The following PDXDC1 variants were observed in gnomAD, a reference collection of about 807,000 sequenced individuals.
The protein encoded by PDXDC1 is pyridoxal dependent decarboxylase domain containing 1.
A neutral mutation model predicts 100.1 loss-of-function variants in PDXDC1; 42 were observed. That is an observed-to-expected ratio of 0.42 (90% CI 0.33 to 0.54). The LOEUF (loss-of-function observed/expected upper bound fraction) is 0.54, where lower values mean the gene tolerates loss of function less well. PDXDC1 is among the 20% of genes least tolerant of loss of function. The pLI is 0.10. For synonymous variants in PDXDC1, 260 were observed against 371.7 expected (o/e 0.70, Z 3.46); for missense variants, 636 against 979.2 (o/e 0.65, Z 4.68).
intron 16 of PDXDC1, among the ~76,000 whole-genome samples, chr16:15,075,779 C>T (rs947006592): frequency 7.9e-5 from 12 of 152,124 alleles, no homozygotes; most frequent in Non-Finnish European, 2.9e-5. Flanking sequence ...TCCTGGTGCC[C>T]ACCATGGCGG....
intron 16 of PDXDC1, chr16:15,126,763 TCTC>T (rs2047757020): frequency 6.6e-6 from 1 of 151,604 alleles, no homozygotes; most frequent in Non-Finnish European, 1.4e-5. Flanking sequence ...TTCATGCCAT[TCTC>T]CTGCCTCAGC....
At chr16:15,003,760 A>C (rs1358308326) in intron 4 of PDXDC1, among the ~76,000 whole-genome samples, 2 of 152,234 alleles carry the variant, frequency 1.3e-5, no homozygotes, top group African/African-American at 2.4e-5. Context: ...AGGCAGGTGA[A>C]TCACCTGAAG....
chr16:15,036,259 C>G lies in PDXDC1; in HGVS notation c.2351C>G (p.Pro784Arg), dbSNP rs146871979. ...GATGACCACTCACAGGTAGAAGGACCGGAGAGCTTAAGATGAGACTCATTG... is the reference window on the plus strand; with the variant it reads ...GATGACCACTCACAGGTAGAAGGACGGGAGAGCTTAAGATGAGACTCATTG... ...PEDDHSQVEG[P>R]ESLR Residue 784 changes from proline to arginine, a missense_variant, in exon 23 of 23, where the codon CCG becomes CGG. Pro to Arg is a moderately radical substitution (Grantham distance 103). Transcript: ENST00000396410. The G allele has an allele frequency of 4.3e-6, 7 of 1,613,706 alleles. No individual in the cohort carries two copies. The highest frequency in any genetic ancestry group is 2.2e-5 in the East Asian group (1 of 44,870).
intron 16 of PDXDC1, chr16:15,127,207 G>GTTCC (rs2047783181): frequency 2.4e-6 from 1 of 418,554 alleles, no homozygotes; most frequent in African/African-American, 2.0e-5. Flanking sequence ...CTTCTTCTGA[G>GTTCC]TTATCTGGCG....
At chr16:15,101,721 G>A (rs533671902) in intron 16 of PDXDC1, among the ~76,000 whole-genome samples, 2 of 148,912 alleles carry the variant, frequency 1.3e-5, no homozygotes, top group Non-Finnish European at 3.0e-5. Flanking sequence ...GCCCAGGTTA[G>A]AGTGCAGTGG....
chr16:15,091,701 A>T (rs1253969220), intron 16 of PDXDC1, among the ~76,000 whole-genome samples: 4 of 152,248 alleles, frequency 2.6e-5, no homozygotes, highest in Non-Finnish European at 4.4e-5. Flanking sequence ...GGAGGATCTA[A>T]AAAAGTATTC....
At chr16:15,092,944 GT>G (rs2046195494) in intron 16 of PDXDC1, among the ~76,000 whole-genome samples, 1 of 151,940 alleles carries the variant, frequency 6.6e-6, no homozygotes, top group African/African-American at 2.4e-5. Context: ...AAGCCAAGCT[GT>G]TTTTCATTTC....
At chr16:14,984,495 ATTT>A (rs1159521017) in intron 1 of PDXDC1, among the ~76,000 whole-genome samples, 1 of 73,486 alleles carries the variant, frequency 1.4e-5, no homozygotes, top group South Asian at 5.4e-4. Flanking sequence ...ATATATATAT[ATTT>A]TTTTTTTTTT....
At chr16:15,075,799 G>A (rs1426516390) in intron 16 of PDXDC1, among the ~76,000 whole-genome samples, 1 of 152,112 alleles carries the variant, frequency 6.6e-6, no homozygotes, top group Non-Finnish European at 1.5e-5. Context: ...GGTGCTTTTG[G>A]TGCCGGGCCC....
downstream of PDXDC1, chr16:15,040,271 T>G: frequency 2.3e-6 from 1 of 429,454 alleles, no homozygotes. Context: ...AGGCTCGAGC[T>G]GGACTCGGTG....
chr16:14,974,934 T>C (rs1363264718), upstream of PDXDC1: 2 of 1,535,258 alleles, frequency 1.3e-6, no homozygotes, highest in East Asian at 2.4e-5. Flanking sequence ...TCCTCCCCCC[T>C]TCACCTGCGC....
At chr16:15,042,958 T>C (rs949694778), downstream of PDXDC1, among the ~76,000 whole-genome samples, 1 of 148,456 alleles carries the variant, frequency 6.7e-6, no homozygotes, top group Non-Finnish European at 1.5e-5. Flanking sequence ...TGGAGTGCAA[T>C]GGTGTGATCT....
At chr16:15,129,272 G>A (rs1218692694) in intron 16 of PDXDC1, among the ~76,000 whole-genome samples, 3 of 150,650 alleles carry the variant, frequency 2.0e-5, no homozygotes, top group South Asian at 4.2e-4. Flanking sequence ...AGTTCGCCTG[G>A]CTGACACGGT....
chr16:15,013,233 CA>C (rs1193520071), intron 8 of PDXDC1, among the ~76,000 whole-genome samples: 1 of 152,056 alleles, frequency 6.6e-6, no homozygotes, highest in Non-Finnish European at 1.5e-5. Flanking sequence ...CCTGTAGTCC[CA>C]GCTACTTGAG....
At chr16:15,151,818 C>CT in the PDXDC1 span, among the ~76,000 whole-genome samples, 1 of 127,354 alleles carries the variant, frequency 7.9e-6, no homozygotes, top group Non-Finnish European at 1.8e-5. Flanking sequence ...GTAATCCCAG[C>CT]TACTCGGGAG....
rs563553273 is a variant in PDXDC1 at position 15,136,741 on chromosome 16, G to A, written c.1400-2138G>A. Reference sequence around the variant, plus strand: ...GATCTCCGTGTCCGAGGGGCAGAGCGGGTGCACCGCTGGAGACCGGTGGGA... The same window carrying A: ...GATCTCCGTGTCCGAGGGGCAGAGCAGGTGCACCGCTGGAGACCGGTGGGA... On this transcript the variant is annotated intron_variant, in intron 16 of 16. Transcript: ENST00000535621. 9.4e-5 allele frequency: 148 copies of A among 1,566,218 alleles called. No homozygotes were observed. In the Middle Eastern group the frequency reaches 1.4e-3, roughly 15 times the overall value.
At position 15,037,218 on chromosome 16, in the gene PDXDC1, CG is replaced by C. The variant is rs1567743882; in HGVS notation, c.*946del. The C allele has an allele frequency of 6.6e-6, 1 of 152,244 alleles. No individual in the cohort carries two copies. The allele number at this position is 152,244 out of a possible 1,614,324, so 9.4% of individuals were successfully genotyped here. A position where few individuals can be genotyped will look rare whatever the true frequency, so the allele number is the denominator to read the frequency against. ...GAGCACTCTCTCACGCTGATCCAGC[CG>C]GGCACCCTGCTTAAGTCAGTAGAAG... On this transcript the variant is annotated 3_prime_UTR_variant, in exon 23 of 23. Coordinates refer to ENST00000396410, the MANE Select transcript of PDXDC1 (RefSeq NM_015027.4).
chr16:14,993,642 C>T (rs1415782993), intron 1 of PDXDC1, among the ~76,000 whole-genome samples: 1 of 152,302 alleles, frequency 6.6e-6, no homozygotes, highest in African/African-American at 2.4e-5. Flanking sequence ...ATTTATAATC[C>T]TTTGGGTATA....
intron 16 of PDXDC1, chr16:15,126,975 T>A (rs1444844167): frequency 3.1e-6 from 1 of 323,218 alleles, no homozygotes; most frequent in African/African-American, 2.2e-5. Context: ...ATGTTTTATA[T>A]AGATGTGGTC....
Sources: gnomAD v4.1 joint callset for allele counts (sites outside exome capture counted in the v4.1 genomes callset) on GRCh38, gnomAD v4.1.1 for gene constraint, MANE v1.5 for transcripts, NCBI Gene and HGNC (gene_info 2026-07-23, HGNC 2026-07-21) for gene names.